EVPL: variants seen among roughly 807,000 people sequenced by gnomAD.
The protein encoded by EVPL is 210 kDa cornified envelope precursor protein.
In EVPL, 94 loss-of-function variants were observed where a neutral mutation model predicts 129.7. That is an observed-to-expected ratio of 0.72 (90% confidence interval 0.61 to 0.86). The LOEUF (loss-of-function observed/expected upper bound fraction) is 0.86, where lower values mean the gene tolerates loss of function less well. Among genes scored for constraint, EVPL ranks in the 40% least tolerant of loss-of-function variants. The probability of loss-of-function intolerance (pLI) is 0.00; values close to 1 mark genes in which losing one functional copy is unlikely to be tolerated. For synonymous variants in EVPL, 1,172 were observed against 1,191.1 expected, an observed-to-expected ratio of 0.98 and a Z score of 0.33; for missense variants, 2,625 against 2,721.1, an observed-to-expected ratio of 0.96 and a Z score of 0.79.
At position 76,012,025 on chromosome 17, in the gene EVPL, G is replaced by A. The variant is rs1329649810; in HGVS notation, c.2438C>T (p.Ala813Val). 6.2e-7 allele frequency: 1 copy of A among 1,612,826 alleles called. No individual in the cohort carries two copies. Among genetic ancestry groups the A allele is most frequent in the Non-Finnish European group, 8.5e-7 (1 of 1,179,682 alleles). Reference sequence around the variant, plus strand: ...GCTTACCTGGAGCGCTGCCTGCAGGGCCTGGGAGAGGTGGGATGCTGTGGC... The same window carrying A: ...GCTTACCTGGAGCGCTGCCTGCAGGACCTGGGAGAGGTGGGATGCTGTGGC... The part of the protein sequence containing the change: ...DRATASHLSQ[A>V]LQAALQDYEL... The change falls in exon 19 of 22, where the codon GCC becomes GTC. Residue 813 changes from alanine to valine, a missense_variant. Ala to Val is a moderately conservative substitution (Grantham distance 64). Coordinates refer to ENST00000301607, the MANE Select transcript of EVPL (RefSeq NM_001988.4).
rs752511971 is a variant in EVPL at position 76,027,115 on chromosome 17, G to A, written c.84C>T (p.Pro28=). The A allele has an allele frequency of 1.1e-5, 16 of 1,499,024 alleles. No individual in the cohort carries two copies. Among genetic ancestry groups the A allele is most frequent in the Non-Finnish European group, 1.4e-5 (16 of 1,119,608 alleles). 92.9% of individuals were successfully genotyped at this position (1,499,024 alleles called of 1,614,324 possible). ...GTCCCACTTACCGGCTGTGCCTGCT[G>A]GGGGAGCCTTTGGGGGACCCCTTGG... ...SPAKGSPKGS[P]SRHSRAATQE... The change falls in exon 1 of 22, where the codon CCC becomes CCT. Residue 28 remains proline (P), a synonymous_variant. Coordinates refer to ENST00000301607, the MANE Select transcript of EVPL (RefSeq NM_001988.4).
chr17:76,010,785 G>A (rs2066371342), intron 21 of EVPL, among the ~76,000 whole-genome samples: 1 of 152,208 alleles, frequency 6.6e-6, no homozygotes, highest in Non-Finnish European at 1.5e-5. Flanking sequence ...TAAGGGCCAG[G>A]TGCAATGGCT....
Position 76,024,305 on chromosome 17 carries a change from C to T in EVPL, c.99-185G>A, listed in dbSNP as rs1213210765. On this transcript the variant is annotated intron_variant, in intron 1 of 21. Coordinates refer to ENST00000301607, the MANE Select transcript of EVPL (RefSeq NM_001988.4). The surrounding 1 kb of genome is among the most constrained non-coding windows in gnomAD (Gnocchi z 4.5). ...GTCCTGGTTGGGGGTGTTAGCACTGCCCCGCCACATGAGGGGTCAAAAGGT... is the reference window on the plus strand; with the variant it reads ...GTCCTGGTTGGGGGTGTTAGCACTGTCCCGCCACATGAGGGGTCAAAAGGT... 3.3e-5 allele frequency among the ~76,000 whole-genome samples: 5 copies of T among 152,194 alleles called. No homozygotes were observed. Among genetic ancestry groups the T allele is most frequent in the Non-Finnish European group, 7.4e-5 (5 of 68,016 alleles).
At chr17:76,021,837 C>T (rs1273906030) in intron 7 of EVPL, 30 bp downstream of exon 7, 17 of 1,564,776 alleles carry the variant, frequency 1.1e-5, no homozygotes, top group Non-Finnish European at 1.4e-5. Flanking sequence ...CCTGGCCGCC[C>T]CCACCTGGCC....
intron 14 of EVPL, among the ~76,000 whole-genome samples, chr17:76,016,542 G>T (rs1473141525): frequency 6.6e-6 from 1 of 152,212 alleles, no homozygotes; most frequent in African/African-American, 2.4e-5. Context: ...TTGAGACCAG[G>T]AGGTTGAGGC....
chr17:76,021,839 C>T (rs768888676), intron 7 of EVPL, 28 bp downstream of exon 7: 80 of 1,564,984 alleles, frequency 5.1e-5, no homozygotes, highest in Non-Finnish European at 6.5e-5. Flanking sequence ...TGGCCGCCCC[C>T]ACCTGGCCCC....
At chr17:76,012,664 A>G (rs938138728) in intron 18 of EVPL, among the ~76,000 whole-genome samples, 17 of 151,880 alleles carry the variant, frequency 1.1e-4, no homozygotes, top group Admixed American at 7.2e-4. Flanking sequence ...TGTGGGAGGC[A>G]GGCAGGCATG....
chr17:76,023,522 G>T lies in EVPL; in HGVS notation c.331C>A (p.Gln111Lys). 2 of 1,613,132 alleles carry T rather than the reference G, an allele frequency of 1.2e-6. No individual in the cohort carries two copies. ...VDKARRLKHPQAEEIEKDIKQ... is the reference protein window; with the variant it reads ...VDKARRLKHPKAEEIEKDIKQ... ...CACTCCTTCTCAATCTCCTCAGCCTGCGGGTGCTTGAGCCGCCGGGCCTTG... is the reference window on the plus strand; with the variant it reads ...CACTCCTTCTCAATCTCCTCAGCCTTCGGGTGCTTGAGCCGCCGGGCCTTG... The change falls in exon 3 of 22, where the codon CAG becomes AAG. Residue 111 changes from glutamine to lysine, a missense_variant. Physicochemically the swap from Gln to Lys is moderately conservative, Grantham distance 53. This residue lies in a region of EVPL where 139 missense variants were observed against 186.8 expected (regional missense o/e 0.74). Coordinates refer to ENST00000301607, the MANE Select transcript of EVPL (RefSeq NM_001988.4).
chr17:76,009,124 G>C lies in EVPL; in HGVS notation c.4081C>G (p.Leu1361Val). Residue 1361 changes from leucine (L) to valine (V), a missense_variant, in exon 22 of 22, where the codon CTG becomes GTG. Physicochemically the swap from Leu to Val is conservative, Grantham distance 32 (BLOSUM62 1). Coordinates refer to ENST00000301607, the MANE Select transcript of EVPL (RefSeq NM_001988.4). This position sits in a 1 kb window ranked among gnomAD's most constrained non-coding sequence, Gnocchi z 5.9. ...VYELQSKRLL[L>V]ERRKPEEKVV... is the part of the protein sequence containing the mutation. ...TTCTCCTCGGGCTTCCTCCTCTCCA[G>C]CAGCAGGCGCTTGCTCTGCAGCTCG... The C allele has an allele frequency of 6.2e-7, 1 of 1,612,744 alleles. No individual in the cohort carries two copies. The highest frequency in any genetic ancestry group is 8.5e-7 in the Non-Finnish European group (1 of 1,179,470).
At position 76,014,467 on chromosome 17, in the gene EVPL, C is replaced by T. The variant is rs767048044; in HGVS notation, c.2332G>A (p.Asp778Asn). The T allele has an allele frequency of 2.5e-6, 4 of 1,611,946 alleles. No individual in the cohort carries two copies. The Admixed American group carries it at 5.0e-5, about 20-fold the overall frequency. Residue 778 changes from aspartate to asparagine, a missense_variant, in exon 18 of 22, where the codon GAC (aspartate) becomes AAC (asparagine). Asp to Asn is a conservative substitution (Grantham distance 23). Coordinates refer to ENST00000301607, the MANE Select transcript of EVPL (RefSeq NM_001988.4). ...HLPRSQVRPS[D>N]GPSQIAYKLQ... Reference sequence around the variant, plus strand: ...TTGTAGGCGATCTGGCTGGGGCCGTCGCTGGGCCGCACCTGGCTGCGGGGC... The same window carrying T: ...TTGTAGGCGATCTGGCTGGGGCCGTTGCTGGGCCGCACCTGGCTGCGGGGC...
intron 9 of EVPL, among the ~76,000 whole-genome samples, chr17:76,021,231 T>C (rs890118689): frequency 9.9e-5 from 15 of 152,050 alleles, no homozygotes; most frequent in Non-Finnish European, 1.9e-4. Flanking sequence ...AATTTTGGTA[T>C]TTTTAGTAGA....
chr17:76,023,890 G>A (rs564770171), intron 2 of EVPL, 131 bp downstream of exon 2: 12 of 1,279,682 alleles, frequency 9.4e-6, no homozygotes, highest in South Asian at 6.8e-5. Context: ...GGGGATGGGC[G>A]GTGCAGGACA....
intron 9 of EVPL, among the ~76,000 whole-genome samples, chr17:76,019,961 T>C (rs1336468275): frequency 2.6e-5 from 4 of 151,858 alleles, no homozygotes; most frequent in Non-Finnish European, 5.9e-5. Flanking sequence ...ACAAACCACC[T>C]AAACCGAAAC....
In EVPL at chr17:76,027,083, T is replaced by C. The variant is rs2144449192; in HGVS notation, c.98+18A>G. On this transcript the variant is annotated intron_variant, in intron 1 of 21. Transcript: ENST00000301607. Reference sequence around the variant, plus strand: ...CCCACCCCAGTTCCCCGGCTCCCCATCCCCCAGTCCCACTTACCGGCTGTG... The same window carrying C: ...CCCACCCCAGTTCCCCGGCTCCCCACCCCCCAGTCCCACTTACCGGCTGTG... 2.1e-6 allele frequency: 3 copies of C among 1,414,320 alleles called. No individual in the cohort carries two copies. Among genetic ancestry groups the C allele is most frequent in the Non-Finnish European group, 2.8e-6 (3 of 1,057,552 alleles). 87.6% of individuals were successfully genotyped at this position (1,414,320 alleles called of 1,614,324 possible).
rs1284660190 is a variant in EVPL at position 76,009,357 on chromosome 17, C to T, written c.3848G>A (p.Ser1283Asn). ...LKAQLNELVN[S>N]HGRSQEQLIR... ...GAGCTGCTCCTGGGAGCGCCCGTGG[C>T]TGTTGACGAGCTCGTTGAGCTGAGC... The change falls in exon 22 of 22, where the codon AGC (serine) becomes AAC (asparagine). Residue 1283 changes from serine (S) to asparagine (N), a missense_variant. By Grantham distance (46) the Ser-to-Asn change is conservative. Transcript: ENST00000301607. This position sits in a 1 kb window ranked among gnomAD's most constrained non-coding sequence, Gnocchi z 5.9. 6.2e-7 allele frequency: 1 copy of T among 1,613,500 alleles called. No homozygotes were observed. The highest frequency in any genetic ancestry group is 1.1e-5 in the South Asian group (1 of 91,086).
At chr17:76,012,145 T>G in intron 18 of EVPL, 56 bp from the exon 19 acceptor site, 1 of 1,389,508 alleles carries the variant, frequency 7.2e-7, no homozygotes, top group Non-Finnish European at 9.9e-7. Context: ...ACCCTGACTC[T>G]CCTCTAGCCA....
At position 76,007,715 on chromosome 17, in the gene EVPL, G is replaced by A. The variant is rs761161818; in HGVS notation, c.5490C>T (p.Ile1830=). The A allele has an allele frequency of 1.2e-6, 2 of 1,613,232 alleles. No individual in the cohort carries two copies. The highest frequency in any genetic ancestry group is 1.7e-6 in the Non-Finnish European group (2 of 1,179,354). The change falls in exon 22 of 22, where the codon ATC becomes ATT. Residue 1830 remains isoleucine, a synonymous_variant. Coordinates refer to ENST00000301607, the MANE Select transcript of EVPL (RefSeq NM_001988.4). The surrounding 1 kb of genome is among the most constrained non-coding windows in gnomAD (Gnocchi z 8.8). ...ACTTGTTGTCTGTGGTTGTGTCATA[G>A]ATCCCGGCGATAGGGAAGCTGTCAT... ...LGDDSFPIAG[I]YDTTTDNKCS... is the part of the protein sequence containing the mutation.
intron 9 of EVPL, among the ~76,000 whole-genome samples, chr17:76,020,052 A>G (rs2066447015): frequency 6.6e-6 from 1 of 152,090 alleles, no homozygotes; most frequent in South Asian, 2.1e-4. Context: ...CAAACCAGAT[A>G]AACTTAAACC....
At chr17:76,015,398 C>G (rs2066411795) in intron 15 of EVPL, 33 bp from the exon 16 acceptor site, 1 of 1,603,738 alleles carries the variant, frequency 6.2e-7, no homozygotes, top group Non-Finnish European at 8.5e-7. Flanking sequence ...CAGACACTCC[C>G]TGGGCCACAC....
Sources: allele counts gnomAD v4.1 joint callset (sites outside exome capture counted in the v4.1 genomes callset), GRCh38; gene constraint gnomAD v4.1.1; regional missense constraint gnomAD v4.1.1; non-coding constraint Gnocchi (gnomAD v3.1); transcripts MANE v1.5; gene names NCBI Gene and HGNC (gene_info 2026-07-23, HGNC 2026-07-21).